The following PCDH7 variants were observed in gnomAD, a reference collection of about 807,000 sequenced individuals.
PCDH7 encodes protocadherin-7.
Under a neutral mutation model 58.9 loss-of-function variants are expected in PCDH7, and 17 were observed. That is an observed-to-expected ratio of 0.29 (90% CI 0.20 to 0.43). The LOEUF is 0.43. PCDH7 is among the 20% of genes least tolerant of loss of function. The pLI, the probability that PCDH7 is intolerant of heterozygous loss-of-function variation, is 1.00. For synonymous variants in PCDH7, 664 were observed against 616.4 expected (o/e 1.08, Z -1.14); for missense variants, 1,274 against 1,441.0 (o/e 0.88, Z 1.88).
intron 2 of PCDH7, among the ~76,000 whole-genome samples, chr4:30,943,120 T>C (rs1188433753): frequency 6.6e-6 from 1 of 152,052 alleles, no homozygotes; most frequent in Non-Finnish European, 1.5e-5. Context: ...TTATCATATT[T>C]CTATTTTTAA....
intron 3 of PCDH7, among the ~76,000 whole-genome samples, chr4:30,964,454 G>T (rs943189828): frequency 6.6e-6 from 1 of 151,884 alleles, no homozygotes; most frequent in South Asian, 2.1e-4. Flanking sequence ...TGTTAGCCAG[G>T]ATGGTGTCAA....
intron 1 of PCDH7, among the ~76,000 whole-genome samples, chr4:30,887,074 T>C (rs907021606): frequency 6.6e-6 from 1 of 151,352 alleles, no homozygotes; most frequent in Non-Finnish European, 1.5e-5. Context: ...GGCACATGTA[T>C]ACATATGTAA....
chr4:30,730,631 A>G, intron 1 of PCDH7: 1 of 650,680 alleles, frequency 1.5e-6, no homozygotes, highest in Non-Finnish European at 2.7e-6. Context: ...CAAAGTTGGC[A>G]TTAAAATTTT....
At chr4:31,083,866 C>T (rs528841546) in intron 3 of PCDH7, among the ~76,000 whole-genome samples, 1 of 152,254 alleles carries the variant, frequency 6.6e-6, no homozygotes, top group Admixed American at 6.5e-5. Context: ...CCTCCCCAGT[C>T]CATTCAATGA....
intron 3 of PCDH7, chr4:30,987,905 A>G (rs970996011): frequency 6.6e-6 from 1 of 152,122 alleles, no homozygotes; most frequent in Non-Finnish European, 1.5e-5. Flanking sequence ...AAAGAACCCT[A>G]GAAGTATATT....
chr4:31,111,309 T>G (rs1043327875), intron 3 of PCDH7, among the ~76,000 whole-genome samples: 8 of 146,290 alleles, frequency 5.5e-5, no homozygotes, highest in Non-Finnish European at 1.2e-4. Context: ...TTACAATTTT[T>G]TTTTTTTTTT....
chr4:31,078,167 A>G (rs906151912), intron 3 of PCDH7, among the ~76,000 whole-genome samples: 31 of 152,164 alleles, frequency 2.0e-4, no homozygotes, highest in African/African-American at 7.2e-4. Flanking sequence ...CATCCATATC[A>G]TGGTGGTTGC....
downstream of PCDH7, among the ~76,000 whole-genome samples, chr4:30,734,783 G>C (rs1462496202): frequency 1.3e-5 from 2 of 152,168 alleles, no homozygotes; most frequent in East Asian, 3.9e-4. Context: ...AAAGGGCCTA[G>C]GCTTTGTTGC....
At chr4:30,796,799 A>C (rs1249335855) in intron 1 of PCDH7, among the ~76,000 whole-genome samples, 1 of 152,142 alleles carries the variant, frequency 6.6e-6, no homozygotes, top group Non-Finnish European at 1.5e-5. Context: ...ACTAAATCTT[A>C]TAACTTTCGA....
intron 3 of PCDH7, among the ~76,000 whole-genome samples, chr4:31,029,663 T>C (rs1754733569): frequency 6.6e-6 from 1 of 152,206 alleles, no homozygotes; most frequent in African/African-American, 2.4e-5. Context: ...ACTCCATTCA[T>C]ATTATACCCT....
chr4:31,059,836 ATAAAG>A (rs1457571132), intron 3 of PCDH7, among the ~76,000 whole-genome samples: 1 of 151,810 alleles, frequency 6.6e-6, no homozygotes, highest in East Asian at 1.9e-4. Flanking sequence ...TATTTACTAT[ATAAAG>A]TATTCTTTTA....
At chr4:31,061,814 C>A (rs561326940) in intron 3 of PCDH7, among the ~76,000 whole-genome samples, 236 of 151,814 alleles carry the variant, frequency 1.6e-3, no homozygotes, top group Non-Finnish European at 2.4e-3. Context: ...TTTGACTGAG[C>A]TGACCTTTGC....
At chr4:31,109,771 G>T (rs2109309802) in intron 3 of PCDH7, among the ~76,000 whole-genome samples, 1 of 152,238 alleles carries the variant, frequency 6.6e-6, no homozygotes, top group African/African-American at 2.4e-5. Context: ...CCAAATATAA[G>T]TACTCTGCCA....
chr4:30,767,066 A>C (rs1720844081), intron 1 of PCDH7, among the ~76,000 whole-genome samples: 1 of 152,010 alleles, frequency 6.6e-6, no homozygotes, highest in Non-Finnish European at 1.5e-5. Context: ...ATGTCACATC[A>C]AGTTCTTAAA....
intron 3 of PCDH7, among the ~76,000 whole-genome samples, chr4:31,085,442 G>A (rs1386948170): frequency 6.6e-6 from 1 of 152,162 alleles, no homozygotes; most frequent in African/African-American, 2.4e-5. Context: ...CAGGCAAGAA[G>A]GAGGTCTGCT....
At chr4:30,972,537 C>T (rs555999927) in intron 3 of PCDH7, among the ~76,000 whole-genome samples, 8 of 152,246 alleles carry the variant, frequency 5.3e-5, no homozygotes, top group East Asian at 1.9e-4. Context: ...GTACACTAAA[C>T]GGTCTTCCAG....
chr4:30,748,614 G>A (rs1008213846), intron 1 of PCDH7, among the ~76,000 whole-genome samples: 1 of 152,070 alleles, frequency 6.6e-6, no homozygotes, highest in East Asian at 1.9e-4. Context: ...ACTTCTAAAA[G>A]GCCCTACTAC....
intron 3 of PCDH7, among the ~76,000 whole-genome samples, chr4:31,023,667 T>G (rs757767744): frequency 1.3e-5 from 2 of 152,130 alleles, no homozygotes; most frequent in Admixed American, 1.3e-4. Flanking sequence ...CATGTAAGGG[T>G]CAATTTTTCC....
At chr4:30,832,611 T>G (rs992876027) in intron 1 of PCDH7, among the ~76,000 whole-genome samples, 8 of 152,128 alleles carry the variant, frequency 5.3e-5, no homozygotes, top group African/African-American at 1.9e-4. Context: ...AAGTAAAAAT[T>G]TATCCCCTCT....
Sources: gnomAD v4.1 joint callset for allele counts (sites outside exome capture counted in the v4.1 genomes callset) on GRCh38, gnomAD v4.1.1 for gene constraint, MANE v1.5 for transcripts, NCBI Gene and HGNC (gene_info 2026-07-23, HGNC 2026-07-21) for gene names.